Variants in ANKRD26 observed in about 807,000 individuals in gnomAD.
ANKRD26 encodes the protein ankyrin repeat domain 26.
Under a neutral mutation model 208.7 loss-of-function variants are expected in ANKRD26, and 141 were observed. The observed-to-expected ratio is 0.68, with a 90% confidence interval of 0.59 to 0.78. The LOEUF (loss-of-function observed/expected upper bound fraction) is 0.78, where lower values mean the gene tolerates loss of function less well. Among genes scored for constraint, ANKRD26 ranks in the 30% least tolerant of loss-of-function variants. ANKRD26 has a pLI of 0.00. For synonymous variants in ANKRD26, 636 were observed against 660.4 expected (o/e 0.96, Z 0.57); for missense variants, 1,889 against 1,938.7 (o/e 0.97, Z 0.48).
At chr10:27,028,975 T>C (rs1564368456) in intron 26 of ANKRD26, 30 bp from the exon 27 acceptor site, 1 of 1,529,754 alleles carries the variant, frequency 6.5e-7, no homozygotes, top group Middle Eastern at 1.9e-4. Flanking sequence ...ATAATTATTC[T>C]CACAGATAAA....
chr10:26,980,920 CAGTT>C (rs1436687777), intron 4 of ANKRD26, among the ~76,000 whole-genome samples: 1 of 152,152 alleles, frequency 6.6e-6, no homozygotes, highest in African/African-American at 2.4e-5. Flanking sequence ...AGAGAGTTAT[CAGTT>C]AGTATCTCTA....
chr10:26,979,539 C>T (rs1190254044), intron 5 of ANKRD26, among the ~76,000 whole-genome samples: 1 of 152,082 alleles, frequency 6.6e-6, no homozygotes, highest in Non-Finnish European at 1.5e-5. Flanking sequence ...TTAGACACAC[C>T]CATCATGCTA....
the ANKRD26 span, among the ~76,000 whole-genome samples, chr10:26,968,645 G>A: frequency 1.3e-5 from 2 of 152,198 alleles, no homozygotes; most frequent in African/African-American, 2.4e-5. Flanking sequence ...AAAATATGAA[G>A]AAAGAAAGAC....
chr10:26,969,703 G>C (rs1252146864), downstream of ANKRD26, among the ~76,000 whole-genome samples: 2 of 151,878 alleles, frequency 1.3e-5, no homozygotes, highest in Non-Finnish European at 2.9e-5. Context: ...TACCTACTTA[G>C]ATTAGTATTT....
chr10:27,053,285 A>G (rs757676805), intron 16 of ANKRD26, 35 bp downstream of exon 16: 1 of 1,479,462 alleles, frequency 6.8e-7, no homozygotes, highest in South Asian at 1.2e-5. Flanking sequence ...AAAGAAAACA[A>G]TATTAAACCA....
chr10:27,007,066 A>G (rs1210750440), intron 32 of ANKRD26, 104 bp from the exon 33 acceptor site: 3 of 723,254 alleles, frequency 4.1e-6, no homozygotes, highest in Non-Finnish European at 7.3e-6. Context: ...ACTCTTAAAG[A>G]CTACACTTAA....
intron 16 of ANKRD26, among the ~76,000 whole-genome samples, chr10:27,050,075 C>A (rs542755398): frequency 3.6e-4 from 55 of 151,626 alleles, no homozygotes; most frequent in Non-Finnish European, 5.2e-4. Context: ...CAAAAATTAG[C>A]CGGGTGTGGT....
the ANKRD26 span, among the ~76,000 whole-genome samples, chr10:26,947,623 T>C: frequency 1.3e-5 from 2 of 152,186 alleles, no homozygotes; most frequent in Admixed American, 6.5e-5. Flanking sequence ...AAGTGTGTCG[T>C]TGGTGCCTCA....
the ANKRD26 span, among the ~76,000 whole-genome samples, chr10:26,964,940 A>C: frequency 1.3e-5 from 2 of 152,208 alleles, no homozygotes; most frequent in Admixed American, 6.5e-5. Context: ...TAGTTTAAAG[A>C]ATCTTGCAAA....
At chr10:27,016,178 T>TG (rs1263477392) in intron 30 of ANKRD26, among the ~76,000 whole-genome samples, 8 of 152,014 alleles carry the variant, frequency 5.3e-5, no homozygotes, top group Non-Finnish European at 1.0e-4. Flanking sequence ...TTTGTAGAGA[T>TG]GGGGTCTCAC....
intron 9 of ANKRD26, among the ~76,000 whole-genome samples, chr10:27,073,269 C>T (rs1387352729): frequency 6.6e-6 from 1 of 152,184 alleles, no homozygotes; most frequent in African/African-American, 2.4e-5. Flanking sequence ...GAACTTCTCC[C>T]TCTTGCCCAC....
chr10:27,030,435 C>A (rs180843223), intron 25 of ANKRD26: 5 of 985,354 alleles, frequency 5.1e-6, no homozygotes, highest in Non-Finnish European at 6.0e-6. Flanking sequence ...GACTCTGCTG[C>A]GAAACAAGGT....
chr10:27,052,599 T>C (rs1281855031), intron 16 of ANKRD26, among the ~76,000 whole-genome samples: 1 of 152,168 alleles, frequency 6.6e-6, no homozygotes, highest in Non-Finnish European at 1.5e-5. Context: ...TATGGTGTTA[T>C]GCATCTGTAT....
chr10:27,037,544 T>C (rs2135215890), intron 22 of ANKRD26, among the ~76,000 whole-genome samples: 1 of 152,262 alleles, frequency 6.6e-6, no homozygotes, highest in African/African-American at 2.4e-5. Context: ...AAATATAGAA[T>C]TGTGAAATAA....
intron 30 of ANKRD26, among the ~76,000 whole-genome samples, chr10:27,015,464 G>A (rs1194161427): frequency 1.3e-5 from 2 of 152,202 alleles, no homozygotes; most frequent in African/African-American, 2.4e-5. Flanking sequence ...CTCTTCATCT[G>A]TAAAATGGGA....
chr10:27,042,027 T>G (rs2054258157), intron 20 of ANKRD26, among the ~76,000 whole-genome samples: 2 of 150,952 alleles, frequency 1.3e-5, no homozygotes, highest in South Asian at 4.2e-4. Flanking sequence ...ACCACTAAGA[T>G]AGCAAAACAA....
chr10:27,076,631 T>G (rs749920028), intron 9 of ANKRD26, among the ~76,000 whole-genome samples: 1 of 151,606 alleles, frequency 6.6e-6, no homozygotes, highest in Non-Finnish European at 1.5e-5. Flanking sequence ...GAGAGAAGAT[T>G]CAAATAAGCT....
At chr10:26,999,001 T>A (rs1480604015) in intron 4 of ANKRD26, among the ~76,000 whole-genome samples, 1 of 152,144 alleles carries the variant, frequency 6.6e-6, no homozygotes, top group Non-Finnish European at 1.5e-5. Context: ...TTCTGAAGAT[T>A]TCTCTGAGAT....
intron 11 of ANKRD26, among the ~76,000 whole-genome samples, chr10:27,064,480 A>G (rs1246967149): frequency 6.6e-6 from 1 of 152,156 alleles, no homozygotes; most frequent in Non-Finnish European, 1.5e-5. Flanking sequence ...CCTGATTAAG[A>G]GGGAAAAAAA....
Sources: allele counts gnomAD v4.1 joint callset (sites outside exome capture counted in the v4.1 genomes callset), GRCh38; gene constraint gnomAD v4.1.1; transcripts MANE v1.5; gene names NCBI Gene and HGNC (gene_info 2026-07-23, HGNC 2026-07-21).